The following KCNK2 variants were observed in gnomAD, a reference collection of about 807,000 sequenced individuals.
KCNK2 encodes the protein potassium channel subfamily K member 2.
A neutral mutation model predicts 40.5 loss-of-function variants in KCNK2; 21 were observed. The ratio of observed to expected loss-of-function variants is 0.52; its 90% CI spans 0.37 to 0.75. KCNK2 has a LOEUF of 0.75. Ranked by LOEUF, KCNK2 falls within the 30% of genes least tolerant of loss-of-function variation. The pLI is 0.00. For missense variants in KCNK2, 399 were observed against 531.6 expected (o/e 0.75, Z 2.45); for synonymous variants, 191 against 202.2 (o/e 0.94, Z 0.47).
chr1:215,087,623 G>A (rs935868921), intron 2 of KCNK2, among the ~76,000 whole-genome samples: 1 of 152,096 alleles, frequency 6.6e-6, no homozygotes, highest in East Asian at 1.9e-4. Flanking sequence ...TTCCTATAGA[G>A]CCCACTTTTC....
chr1:215,040,364 G>A (rs559212118), intron 1 of KCNK2, among the ~76,000 whole-genome samples: 3 of 152,132 alleles, frequency 2.0e-5, no homozygotes, highest in Admixed American at 6.5e-5. Context: ...TAACTTGCCC[G>A]AGGTCACACT....
At chr1:215,172,667 T>G (rs1663770858) in intron 5 of KCNK2, among the ~76,000 whole-genome samples, 1 of 152,102 alleles carries the variant, frequency 6.6e-6, no homozygotes, top group South Asian at 2.1e-4. Flanking sequence ...ATTTATTTAT[T>G]TATTTTTGAG....
At position 215,148,982 on chromosome 1, in the gene KCNK2, G is replaced by A. The variant is rs1662562773; in HGVS notation, c.476-20217G>A. 3.9e-5 allele frequency among the ~76,000 whole-genome samples: 6 copies of A among 152,164 alleles called. No homozygotes were observed. In the South Asian group the frequency reaches 1.2e-3, roughly 32 times the overall value. On this transcript the variant is annotated intron_variant, in intron 3 of 6. Coordinates refer to ENST00000444842, the MANE Select transcript of KCNK2 (RefSeq NM_001017425.3). ...GACTCTGAAGTTTCTAAAAGGTAGA[G>A]AGCAATGGTACACCGGGGAGTCTTG...
intron 1 of KCNK2, among the ~76,000 whole-genome samples, chr1:215,050,934 C>T (rs1198232818): frequency 2.6e-5 from 4 of 152,118 alleles, no homozygotes; most frequent in Non-Finnish European, 5.9e-5. Context: ...AGGTTGTTAA[C>T]AGGGGCTTAT....
chr1:215,043,934 A>G (rs1657653661), intron 1 of KCNK2, among the ~76,000 whole-genome samples: 1 of 152,218 alleles, frequency 6.6e-6, no homozygotes, highest in South Asian at 2.1e-4. Context: ...TGCCAAAAAT[A>G]TTAACACAAT....
intron 1 of KCNK2, among the ~76,000 whole-genome samples, chr1:215,015,570 A>G (rs1656557797): frequency 6.6e-6 from 1 of 152,006 alleles, no homozygotes; most frequent in African/African-American, 2.4e-5. Flanking sequence ...GCAGGTGGAC[A>G]TTTTTTCTTC....
chr1:215,189,358 A>G (rs1664572219), intron 5 of KCNK2, among the ~76,000 whole-genome samples: 1 of 152,236 alleles, frequency 6.6e-6, no homozygotes, highest in Non-Finnish European at 1.5e-5. Flanking sequence ...CATTCCGTGA[A>G]AAATATTCCA....
chr1:215,171,946 C>G, intron 4 of KCNK2, 51 bp from the exon 5 acceptor site: 1 of 1,176,736 alleles, frequency 8.5e-7, no homozygotes, highest in South Asian at 1.7e-5. Context: ...CTCTCTCCCC[C>G]CATTTATATA....
chr1:215,167,512 C>T (rs1045226858), intron 3 of KCNK2, among the ~76,000 whole-genome samples: 1 of 152,052 alleles, frequency 6.6e-6, no homozygotes, highest in African/African-American at 2.4e-5. Flanking sequence ...GTAGACAGTG[C>T]TTCTGCTATT....
At chr1:215,088,974 A>C (rs1558085346) in intron 2 of KCNK2, among the ~76,000 whole-genome samples, 1 of 152,108 alleles carries the variant, frequency 6.6e-6, no homozygotes, top group Non-Finnish European at 1.5e-5. Flanking sequence ...TTTGATAATC[A>C]TTTTTTCTTT....
intron 3 of KCNK2, among the ~76,000 whole-genome samples, chr1:215,161,648 A>G (rs565659580): frequency 4.0e-5 from 6 of 150,740 alleles, no homozygotes; most frequent in African/African-American, 1.2e-4. Flanking sequence ...TCACTGTTCA[A>G]CTCCCACTTA....
intron 3 of KCNK2, among the ~76,000 whole-genome samples, chr1:215,159,573 A>G (rs1663100787): frequency 6.6e-6 from 1 of 152,130 alleles, no homozygotes. Context: ...TATGTAATAC[A>G]ATTGGGGAGC....
chr1:215,087,360 C>G (rs1241927388), intron 2 of KCNK2, among the ~76,000 whole-genome samples: 1 of 152,210 alleles, frequency 6.6e-6, no homozygotes, highest in African/African-American at 2.4e-5. Flanking sequence ...ATAAAACTAA[C>G]TTAGTTCTAA....
At chr1:215,125,966 G>GT (rs1219425284) in intron 3 of KCNK2, among the ~76,000 whole-genome samples, 1 of 151,638 alleles carries the variant, frequency 6.6e-6, no homozygotes, top group East Asian at 1.9e-4. Flanking sequence ...AAAAAAGGGA[G>GT]TTTTTTCTTT....
At chr1:215,142,654 T>TGTG (rs1402151138) in intron 3 of KCNK2, among the ~76,000 whole-genome samples, 2 of 152,168 alleles carry the variant, frequency 1.3e-5, no homozygotes, top group African/African-American at 4.8e-5. Flanking sequence ...CTTGATTCAA[T>TGTG]GTGAGCAGGC....
chr1:215,187,424 G>A (rs1349862549), intron 5 of KCNK2, among the ~76,000 whole-genome samples: 2 of 152,004 alleles, frequency 1.3e-5, no homozygotes, highest in African/African-American at 2.4e-5. Flanking sequence ...CTTCCTGAGA[G>A]CTAAATCAAC....
chr1:215,126,214 A>G (rs1411932531), intron 3 of KCNK2, among the ~76,000 whole-genome samples: 1 of 152,162 alleles, frequency 6.6e-6, no homozygotes, highest in Non-Finnish European at 1.5e-5. Flanking sequence ...TTCTATTGTT[A>G]TGAGTCCACT....
chr1:215,045,547 A>G (rs1176209392), intron 1 of KCNK2, among the ~76,000 whole-genome samples: 1 of 152,222 alleles, frequency 6.6e-6, no homozygotes, highest in East Asian at 1.9e-4. Context: ...GATTATGCAT[A>G]TCTTGGGTTA....
At chr1:215,021,537 C>CT (rs538476962) in intron 1 of KCNK2, among the ~76,000 whole-genome samples, 10,742 of 95,910 alleles carry the variant, frequency 0.11, 1,373 homozygotes, top group African/African-American at 0.14. Flanking sequence ...GGACAACCAT[C>CT]TTTTTTTTTT....
Sources: gnomAD v4.1 joint callset for allele counts (sites outside exome capture counted in the v4.1 genomes callset) on GRCh38, gnomAD v4.1.1 for gene constraint, MANE v1.5 for transcripts, NCBI Gene and HGNC (gene_info 2026-07-23, HGNC 2026-07-21) for gene names.